Variants in MAP4K4 observed in about 807,000 individuals in gnomAD.
The protein encoded by MAP4K4 is mitogen-activated protein kinase kinase kinase kinase 4, also known as HPK/GCK-like kinase HGK.
In MAP4K4, 38 loss-of-function variants were observed where a neutral mutation model predicts 189.6. That is an observed-to-expected ratio of 0.20 (90% CI 0.15 to 0.26). The LOEUF (loss-of-function observed/expected upper bound fraction) is 0.26. MAP4K4 is among the 10% of genes least tolerant of loss of function. MAP4K4 has a pLI of 1.00. For missense variants in MAP4K4, 1,054 were observed against 1,726.9 expected (o/e 0.61, Z 6.91); for synonymous variants, 610 against 624.3 (o/e 0.98, Z 0.34).
At chr2:101,865,081 AC>A in intron 18 of MAP4K4, 45 bp downstream of exon 18, 1 of 1,166,162 alleles carries the variant, frequency 8.6e-7, no homozygotes, top group Non-Finnish European at 1.2e-6. Context: ...TGTGCAGTCT[AC>A]CACAGCCTTA....
chr2:101,737,500 T>C (rs1170424030), intron 2 of MAP4K4, among the ~76,000 whole-genome samples: 1 of 136,454 alleles, frequency 7.3e-6, no homozygotes, highest in African/African-American at 2.7e-5. Flanking sequence ...TGTTAGTCAT[T>C]GTTGTCTCAT....
chr2:101,889,002 G>T, intron 32 of MAP4K4, 67 bp downstream of exon 32: 1 of 1,322,792 alleles, frequency 7.6e-7, no homozygotes, highest in South Asian at 1.6e-5. Flanking sequence ...TTTCCATGGA[G>T]TTTGATGATT....
intron 2 of MAP4K4, among the ~76,000 whole-genome samples, chr2:101,747,041 A>G (rs1242887443): frequency 1.3e-5 from 2 of 152,086 alleles, no homozygotes; most frequent in Non-Finnish European, 2.9e-5. Context: ...AGAGTGGACT[A>G]TGAGAGTTTA....
chr2:101,763,307 G>A (rs2077248341), intron 2 of MAP4K4, among the ~76,000 whole-genome samples: 1 of 152,186 alleles, frequency 6.6e-6, no homozygotes, highest in Non-Finnish European at 1.5e-5. Flanking sequence ...AGCTAGACAG[G>A]AGTTAGTTCA....
chr2:101,845,407 A>G (rs985886488), intron 12 of MAP4K4, among the ~76,000 whole-genome samples: 1 of 152,184 alleles, frequency 6.6e-6, no homozygotes, highest in African/African-American at 2.4e-5. Flanking sequence ...GGGTCGCTTA[A>G]TGACGGGGAT....
In MAP4K4 at chr2:101,813,571, G is replaced by A. The variant is rs140967454; in HGVS notation, c.181-10357G>A. On this transcript the variant is annotated intron_variant, in intron 3 of 32. Transcript: ENST00000324219. ...GGCATCTTTTCACATTTTTCCAAGA[G>A]AGGCACTTGCAGTTTATCATTATCT... is the stretch of plus-strand genomic sequence containing the variant. Among the ~76,000 whole-genome samples, 957 of 152,320 alleles carry A rather than the reference G, an allele frequency of 6.3e-3. 7 individuals carry two copies. The highest frequency in any genetic ancestry group is 0.02 in the Admixed American group (313 of 15,302).
rs79964207 is a variant in MAP4K4, at chr2:101,772,305, T to C, written c.124-18415T>C. 6.6e-3 allele frequency among the ~76,000 whole-genome samples: 1,004 copies of C among 152,322 alleles called. 11 individuals are homozygous for C. Among genetic ancestry groups the C allele is most frequent in the African/African-American group, 0.023 (971 of 41,562 alleles). ...TGTCCCCCATTTTAAACCCTACCTATGTCTGAAGTTGCAGTTGACACAGCT... is the reference window on the plus strand; with the variant it reads ...TGTCCCCCATTTTAAACCCTACCTACGTCTGAAGTTGCAGTTGACACAGCT... On this transcript the variant is annotated intron_variant, in intron 2 of 32. Transcript: ENST00000324219.
At chr2:101,790,882 A>G (rs934631696) in intron 3 of MAP4K4, 106 bp downstream of exon 3, 27 of 993,860 alleles carry the variant, frequency 2.7e-5, no homozygotes, top group African/African-American at 2.6e-4. Context: ...TACTTGAACA[A>G]ATTGCCCTCC....
At chr2:101,784,351 T>G (rs1395540437) in intron 2 of MAP4K4, among the ~76,000 whole-genome samples, 1 of 151,970 alleles carries the variant, frequency 6.6e-6, no homozygotes, top group Non-Finnish European at 1.5e-5. Context: ...TGCAGGCAGA[T>G]TGCTGTGTTT....
chr2:101,867,772 G>A, intron 20 of MAP4K4: 1 of 475,878 alleles, frequency 2.1e-6, no homozygotes, highest in Non-Finnish European at 3.7e-6. Flanking sequence ...CTCACTGGTT[G>A]CCTACCTTCT....
chr2:101,699,655 G>C (rs1192292716), intron 2 of MAP4K4, among the ~76,000 whole-genome samples: 1 of 152,056 alleles, frequency 6.6e-6, no homozygotes, highest in Non-Finnish European at 1.5e-5. Flanking sequence ...ATTAAGTGTG[G>C]ATCTTATTGT....
chr2:101,840,709 A>G (rs993958572), intron 10 of MAP4K4, among the ~76,000 whole-genome samples: 18 of 152,312 alleles, frequency 1.2e-4, no homozygotes, highest in Non-Finnish European at 2.1e-4. Flanking sequence ...AACTTTATAG[A>G]ACAACACTTG....
At chr2:101,894,074 G>A (rs2098599576) in exon 33 of MAP4K4, 2 of 152,294 alleles carry the variant, frequency 1.3e-5, no homozygotes, top group South Asian at 2.1e-4. Context: ...ATTGGGAGTC[G>A]TCGAAATGTT....
At chr2:101,848,402 T>TA (rs1165930940) in intron 12 of MAP4K4, among the ~76,000 whole-genome samples, 1 of 152,208 alleles carries the variant, frequency 6.6e-6, no homozygotes, top group East Asian at 1.9e-4. Flanking sequence ...TCGTAGCCCT[T>TA]TATTGGCATT....
chr2:101,865,021 A>T lies in MAP4K4; in HGVS notation c.2189A>T (p.Gln730Leu), dbSNP rs1226512194. The T allele has an allele frequency of 1.9e-5, 30 of 1,564,890 alleles. No homozygotes were observed. Among genetic ancestry groups the T allele is most frequent in the African/African-American group, 4.1e-5 (3 of 73,498 alleles). Residue 730 changes from glutamine (Q) to leucine (L), a missense_variant, in exon 18 of 33, where the codon CAG (glutamine) becomes CTG (leucine). Around this residue, in one of 4 missense-constraint regions of MAP4K4, gnomAD observed 646 missense variants for 796.2 expected, o/e 0.81. Coordinates refer to ENST00000324219, the Ensembl canonical transcript of MAP4K4. Reference sequence around the variant, plus strand: ...GGGCAGCAGAATAGCCAGGCAGGACAGAGAAACTCCACCAGGTAAAAGACA... The same window carrying T: ...GGGCAGCAGAATAGCCAGGCAGGACTGAGAAACTCCACCAGGTAAAAGACA...
At chr2:101,866,325 A>G (rs2097813336) in intron 18 of MAP4K4, 103 bp from the exon 19 acceptor site, 1 of 1,080,166 alleles carries the variant, frequency 9.3e-7, no homozygotes, top group Non-Finnish European at 1.3e-6. Flanking sequence ...TTGTCTCCCT[A>G]CACTTTAAAG....
intron 13 of MAP4K4, among the ~76,000 whole-genome samples, chr2:101,857,657 C>T (rs1229868312): frequency 5.3e-5 from 8 of 152,154 alleles, no homozygotes; most frequent in Admixed American, 5.2e-4. Flanking sequence ...GACGTAGATC[C>T]CAGGTCAGAA....
At chr2:101,811,678 T>C (rs565464041) in intron 3 of MAP4K4, among the ~76,000 whole-genome samples, 7 of 152,224 alleles carry the variant, frequency 4.6e-5, no homozygotes, top group African/African-American at 1.4e-4. Context: ...GTGCCCCACA[T>C]GGTGTTTGCT....
At chr2:101,753,298 C>T (rs562168038) in intron 2 of MAP4K4, among the ~76,000 whole-genome samples, 21 of 152,324 alleles carry the variant, frequency 1.4e-4, no homozygotes, top group African/African-American at 4.3e-4. Context: ...TCAGTTTCTA[C>T]AGCTCACCCT....
Sources: gnomAD v4.1 joint callset for allele counts (sites outside exome capture counted in the v4.1 genomes callset) on GRCh38, gnomAD v4.1.1 for gene constraint, gnomAD v4.1.1 regional missense constraint, MANE v1.5 for transcripts, NCBI Gene and HGNC (gene_info 2026-07-23, HGNC 2026-07-21) for gene names.